The following ZNF280D variants were observed in gnomAD, a reference collection of about 807,000 sequenced individuals.
The protein encoded by ZNF280D is zinc finger protein 280D.
A neutral mutation model predicts 94.7 loss-of-function variants in ZNF280D; 39 were observed. The ratio of observed to expected loss-of-function variants is 0.41; its 90% CI spans 0.32 to 0.54. The LOEUF is 0.54. Among genes scored for constraint, ZNF280D ranks in the 20% least tolerant of loss-of-function variants. ZNF280D has a pLI of 0.22. For missense variants in ZNF280D, 1,090 were observed against 1,149.3 expected (o/e 0.95, Z 0.75); for synonymous variants, 398 against 377.6 (o/e 1.05, Z -0.63).
At chr15:56,703,800 G>C (rs2057233358) in intron 4 of ZNF280D, among the ~76,000 whole-genome samples, 1 of 152,052 alleles carries the variant, frequency 6.6e-6, no homozygotes, top group African/African-American at 2.4e-5. Flanking sequence ...GCTACAGTGA[G>C]CTGTGACTGC....
In ZNF280D at chr15:56,704,201, T is replaced by G; in HGVS notation, c.95A>C (p.Lys32Thr). The change falls in exon 4 of 22, where the codon AAA becomes ACA. Residue 32 changes from lysine to threonine, a missense_variant. Lys to Thr is a moderately conservative substitution (Grantham distance 78). Around this residue, in one of 3 missense-constraint regions of ZNF280D, gnomAD observed 386 missense variants for 372.0 expected, o/e 1.04. Transcript: ENST00000267807. ...EEEELEPWQK[K>T]VKEVEDDDDD... ...ATCGTCATCCTCAACTTCTTTTACT[T>G]TCTTCTGCCATGGTTCCAGCTCCTC... The G allele has an allele frequency of 6.2e-7, 1 of 1,613,686 alleles. No individual in the cohort carries two copies. Among genetic ancestry groups the G allele is most frequent in the Non-Finnish European group, 8.5e-7 (1 of 1,179,856 alleles).
chr15:56,662,177 A>G (rs765218281), intron 16 of ZNF280D, among the ~76,000 whole-genome samples: 31 of 152,288 alleles, frequency 2.0e-4, no homozygotes, highest in Non-Finnish European at 3.4e-4. Flanking sequence ...GAGGAATAAT[A>G]GCAAGATTAT....
rs375004230 is a variant in ZNF280D, at chr15:56,640,788, C to T, written c.2259+2164G>A. 3.2e-4 allele frequency among the ~76,000 whole-genome samples: 48 copies of T among 152,206 alleles called. No individual in the cohort carries two copies. In the South Asian group the frequency reaches 8.1e-3, roughly 26 times the overall value. On this transcript the variant is annotated intron_variant, in intron 20 of 21. Coordinates refer to ENST00000267807, the MANE Select transcript of ZNF280D (RefSeq NM_017661.4). ...ATACCATTTCCAAATCTGTTTAAGA[C>T]TGCACTAAGCAAAATATGTTAAGAA...
chr15:56,698,798 G>C (rs560036486), intron 6 of ZNF280D: 25 of 152,320 alleles, frequency 1.6e-4, no homozygotes, highest in African/African-American at 5.3e-4. Context: ...ACGTGGCAAG[G>C]AGCCAGCCAA....
At chr15:56,714,419 T>C (rs1334895943) in intron 1 of ZNF280D, among the ~76,000 whole-genome samples, 2 of 152,188 alleles carry the variant, frequency 1.3e-5, no homozygotes, top group Admixed American at 1.3e-4. Flanking sequence ...AATATATGGA[T>C]ACACCATAGT....
Position 56,700,981 on chromosome 15 carries a change from C to T in ZNF280D, c.333G>A (p.Glu111=). ...TAACAGAACTATCTGAAGATCTAGA[C>T]TCAGGATGAAAATTTATTGGTGAGG... The part of the protein sequence containing the change: ...VPASPINFHP[E]SRSSDSSVIV... The change falls in exon 6 of 22, where the codon GAG becomes GAA. Residue 111 remains glutamate, a synonymous_variant. Coordinates refer to ENST00000267807, the MANE Select transcript of ZNF280D (RefSeq NM_017661.4). 2 of 1,613,830 alleles carry T rather than the reference C, an allele frequency of 1.2e-6. No homozygotes were observed. Among genetic ancestry groups the T allele is most frequent in the Non-Finnish European group, 1.7e-6 (2 of 1,179,834 alleles).
At chr15:56,727,108 T>C (rs2058665866) in intron 1 of ZNF280D, among the ~76,000 whole-genome samples, 1 of 152,216 alleles carries the variant, frequency 6.6e-6, no homozygotes. Flanking sequence ...AAAATTTGTT[T>C]ATACAAACTC....
chr15:56,631,919 T>C lies in ZNF280D; in HGVS notation c.2519A>G (p.Lys840Arg). The C allele has an allele frequency of 6.2e-7, 1 of 1,613,886 alleles. No homozygotes were observed. The highest frequency in any genetic ancestry group is 8.5e-7 in the Non-Finnish European group (1 of 1,180,010). ...NIGADKVEKK[K>R]QIQHVCQEME... ...TTCCTGACAAACGTGTTGTATTTGT[T>C]TTTTCTTTTCCACTTTATCTGCACC... The change falls in exon 22 of 22, where the codon AAA becomes AGA. Residue 840 changes from lysine to arginine, a missense_variant. By Grantham distance (26) the Lys-to-Arg change is conservative. This residue lies in a region of ZNF280D where 577 missense variants were observed against 568.8 expected (regional missense o/e 1.01). Coordinates refer to ENST00000267807, the MANE Select transcript of ZNF280D (RefSeq NM_017661.4).
At chr15:56,649,621 T>A (rs940276032) in intron 19 of ZNF280D, among the ~76,000 whole-genome samples, 1 of 151,830 alleles carries the variant, frequency 6.6e-6, no homozygotes, top group Non-Finnish European at 1.5e-5. Flanking sequence ...TTTTTTTTTT[T>A]AATCTTGCTA....
chr15:56,671,514 T>C (rs1165881808), intron 13 of ZNF280D, among the ~76,000 whole-genome samples: 3 of 152,128 alleles, frequency 2.0e-5, no homozygotes, highest in Non-Finnish European at 2.9e-5. Flanking sequence ...CTGGGTTCTC[T>C]ATACTATTCC....
At chr15:56,696,252 G>A (rs1390986532) in intron 6 of ZNF280D, among the ~76,000 whole-genome samples, 1 of 152,118 alleles carries the variant, frequency 6.6e-6, no homozygotes, top group Non-Finnish European at 1.5e-5. Flanking sequence ...TGAAAAAATG[G>A]AAAAGTTACT....
intron 10 of ZNF280D, 75 bp downstream of exon 10, chr15:56,682,179 C>T (rs2141004140): frequency 8.9e-7 from 1 of 1,126,970 alleles, no homozygotes; most frequent in African/African-American, 1.6e-5. Flanking sequence ...GCATAGAAAA[C>T]ACAAAATAAA....
intron 19 of ZNF280D, chr15:56,653,650 C>T: frequency 5.7e-6 from 8 of 1,405,558 alleles, no homozygotes; most frequent in Non-Finnish European, 7.4e-6. Context: ...GAGAAAAAGA[C>T]AATTATCTGG....
chr15:56,659,080 C>T (rs72744954), intron 16 of ZNF280D, among the ~76,000 whole-genome samples: 22,594 of 150,196 alleles, frequency 0.15, 1,791 homozygotes, highest in Admixed American at 0.2. Context: ...AATCAAACTC[C>T]TGGGCTCAAG....
At chr15:56,657,306 A>G (rs2053612287) in intron 17 of ZNF280D, among the ~76,000 whole-genome samples, 2 of 152,178 alleles carry the variant, frequency 1.3e-5, no homozygotes, top group Admixed American at 6.5e-5. Flanking sequence ...TTTATTTTCA[A>G]AAGAAAATAT....
intron 4 of ZNF280D, among the ~76,000 whole-genome samples, chr15:56,703,069 C>T (rs1173219473): frequency 6.6e-6 from 1 of 152,046 alleles, no homozygotes. Flanking sequence ...GAAATTTGTA[C>T]ATTGTTTCTC....
In ZNF280D at chr15:56,710,434, GA is replaced by G. The variant is rs766889761; in HGVS notation, c.-85-3129del. Among the ~76,000 whole-genome samples, 114 of 138,338 alleles carry G rather than the reference GA, an allele frequency of 8.2e-4. No homozygotes were observed. The East Asian group carries it at 8.6e-3, about 10-fold the overall frequency. The allele number at this position is 138,338 out of a possible 152,430, so 90.8% of individuals were successfully genotyped here. On this transcript the variant is annotated intron_variant, in intron 1 of 21. Coordinates refer to ENST00000267807, the MANE Select transcript of ZNF280D (RefSeq NM_017661.4). Reference sequence around the variant, plus strand: ...CGAAAAAATAAAATAAAATAGCCAGGAAAAAAAAAAAAGAGGACTCTCAACT... The same window carrying G: ...CGAAAAAATAAAATAAAATAGCCAGGAAAAAAAAAAAGAGGACTCTCAACT...
chr15:56,718,448 G>C (rs1031119487), intron 1 of ZNF280D, among the ~76,000 whole-genome samples: 3 of 152,086 alleles, frequency 2.0e-5, no homozygotes, highest in African/African-American at 7.2e-5. Flanking sequence ...AAATATTATA[G>C]CATCATGATA....
chr15:56,638,465 C>T (rs2052458860), intron 20 of ZNF280D, among the ~76,000 whole-genome samples: 2 of 152,082 alleles, frequency 1.3e-5, no homozygotes, highest in Admixed American at 6.6e-5. Flanking sequence ...AGAATAATCA[C>T]AATTATTGGA....
Sources: gnomAD v4.1 joint callset for allele counts (sites outside exome capture counted in the v4.1 genomes callset) on GRCh38, gnomAD v4.1.1 for gene constraint, gnomAD v4.1.1 regional missense constraint, MANE v1.5 for transcripts, NCBI Gene and HGNC (gene_info 2026-07-23, HGNC 2026-07-21) for gene names.